Variants in ROGDI observed in about 807,000 individuals in gnomAD.
ROGDI encodes the protein protein rogdi homolog.
A neutral mutation model predicts 43.1 loss-of-function variants in ROGDI; 46 were observed. The ratio of observed to expected loss-of-function variants is 1.07; its 90% CI spans 0.84 to 1.37. The LOEUF (loss-of-function observed/expected upper bound fraction) is 1.37. ROGDI is among the 40% of genes most tolerant of loss of function. The pLI, the probability that ROGDI is intolerant of heterozygous loss-of-function variation, is 0.00. For synonymous variants in ROGDI, 243 were observed against 162.0 expected, an observed-to-expected ratio of 1.50 and a Z score of -3.80; for missense variants, 518 against 383.9, an observed-to-expected ratio of 1.35 and a Z score of -2.92.
intron 3 of ROGDI, 27 bp downstream of exon 3, chr16:4,801,476 C>T: frequency 6.3e-7 from 1 of 1,589,790 alleles, no homozygotes; most frequent in Non-Finnish European, 8.6e-7. Context: ...TACCCATTTC[C>T]CCGGTTTCCG....
intron 4 of ROGDI, 156 bp downstream of exon 4, chr16:4,801,111 G>A (rs887314858): frequency 6.8e-6 from 4 of 590,266 alleles, no homozygotes; most frequent in African/African-American, 5.6e-5. Context: ...CCCGGGAGAA[G>A]GTGTGAGGGT....
intron 4 of ROGDI, 40 bp from the exon 5 acceptor site, chr16:4,800,618 C>T (rs1412486610): frequency 2.7e-6 from 4 of 1,457,500 alleles, no homozygotes; most frequent in South Asian, 2.4e-5. Flanking sequence ...AGTGGGGGGG[C>T]ACCTCCTGCC....
chr16:4,801,471 A>C, intron 3 of ROGDI, 32 bp downstream of exon 3: 1 of 1,586,566 alleles, frequency 6.3e-7, no homozygotes. Flanking sequence ...CAAGGTACCC[A>C]TTTCCCCGGT....
rs1221411185 is a variant in ROGDI at position 4,802,447 on chromosome 16, C to A, written c.52G>T (p.Glu18Ter). 4.9e-6 allele frequency: 7 copies of A among 1,424,104 alleles called. No individual in the cohort carries two copies. The highest frequency in any genetic ancestry group is 1.5e-5 in the South Asian group (1 of 67,114). The allele number at this position is 1,424,104 out of a possible 1,614,324, so 88.2% of individuals were successfully genotyped here. ...TCGTCGTGCAGCAGCCAGCGGAACTCCTCCTCCTGCGGGACAGACCCGGCG... is the reference window on the plus strand; with the variant it reads ...TCGTCGTGCAGCAGCCAGCGGAACTACTCCTCCTGCGGGACAGACCCGGCG... ...TAAERAVLEEEFRWLLHDEVH... is the reference protein window; with the variant it reads ...TAAERAVLEE Residue 18 changes from glutamate (E) to a stop codon, truncating the protein, a stop_gained, in exon 2 of 11, where the codon GAG (glutamate) becomes TAG (stop). Coordinates refer to ENST00000322048, the MANE Select transcript of ROGDI (RefSeq NM_024589.3). LOFTEE classifies it high-confidence loss of function.
Position 4,802,543 on chromosome 16 carries a change from G to T in ROGDI, c.29C>A (p.Ala10Glu). 1 of 1,278,504 alleles carries T rather than the reference G, an allele frequency of 7.8e-7. No homozygotes were observed. The allele number at this position is 1,278,504 out of a possible 1,614,324, so 79.2% of individuals were successfully genotyped here. A position where few individuals can be genotyped will look rare whatever the true frequency, so the allele number is the denominator to read the frequency against. ...GCGCCTTACCAGCACCGCCCGCTCC[G>T]CCGCCGTCGCTGCCATCACGGTGGC... MATVMAATA[A>E]ERAVLEEEFR... The change falls in exon 1 of 11, where the codon GCG becomes GAG. Residue 10 changes from alanine (A) to glutamate (E), a missense_variant. Coordinates refer to ENST00000322048, the MANE Select transcript of ROGDI (RefSeq NM_024589.3).
chr16:4,801,631 C>T, intron 2 of ROGDI, 46 bp from the exon 3 acceptor site: 1 of 1,520,544 alleles, frequency 6.6e-7, no homozygotes, highest in Non-Finnish European at 8.9e-7. Flanking sequence ...CCCACTCAGG[C>T]CCGGCCCAGT....
In ROGDI at chr16:4,798,201, G is replaced by A. The variant is rs1192772817; in HGVS notation, c.532-17C>T. The A allele has an allele frequency of 2.5e-6, 4 of 1,604,030 alleles. No homozygotes were observed. The highest frequency in any genetic ancestry group is 3.4e-6 in the Non-Finnish European group (4 of 1,173,114). On this transcript the variant is annotated splice_polypyrimidine_tract_variant and intron_variant, in intron 7 of 10. Coordinates refer to ENST00000322048, the MANE Select transcript of ROGDI (RefSeq NM_024589.3). ...GAACATCCGCTGCGGGAGGCAGGTG[G>A]GATGAGGCCCTCGCAAGCCCCCAGC...
intron 4 of ROGDI, chr16:4,800,798 T>G: frequency 3.5e-6 from 2 of 571,642 alleles, no homozygotes; most frequent in South Asian, 2.1e-5. Context: ...AGAAGTGAAA[T>G]GGAAAGAGGT....
chr16:4,797,555 G>C (rs553022084), intron 10 of ROGDI, 54 bp from the exon 11 acceptor site: 5 of 1,180,264 alleles, frequency 4.2e-6, no homozygotes, highest in Admixed American at 6.1e-5. Context: ...GTAGCCCAGG[G>C]GAGATGTCAA....
At chr16:4,802,499 G>GGCCC in intron 1 of ROGDI, 28 bp downstream of exon 1, 1 of 1,210,946 alleles carries the variant, frequency 8.3e-7, no homozygotes. Context: ...CCGCCCCGCC[G>GGCCC]GCCCGCCCGC....
At chr16:4,799,804 G>A (rs543538357) in intron 5 of ROGDI, 23 bp from the exon 6 acceptor site, 2 of 1,570,078 alleles carry the variant, frequency 1.3e-6, no homozygotes, top group East Asian at 4.5e-5. Context: ...GTCATCCAGA[G>A]GGGTCACGCC....
At chr16:4,801,794 G>C in intron 2 of ROGDI, 1 of 602,894 alleles carries the variant, frequency 1.7e-6, no homozygotes, top group Non-Finnish European at 3.0e-6. Flanking sequence ...CACATTCCCT[G>C]AACACCTCCT....
At chr16:4,802,495 C>T (rs2141915804) in intron 1 of ROGDI, 32 bp downstream of exon 1, 1 of 1,210,710 alleles carries the variant, frequency 8.3e-7, no homozygotes, top group Non-Finnish European at 1.0e-6. Flanking sequence ...CCCGCCGCCC[C>T]GCCGGCCCGC....
At position 4,802,443 on chromosome 16, in the gene ROGDI, A is replaced by T. The variant is rs1270593464; in HGVS notation, c.56T>A (p.Phe19Tyr). 1 of 1,443,056 alleles carries T rather than the reference A, an allele frequency of 6.9e-7. No individual in the cohort carries two copies. Among genetic ancestry groups the T allele is most frequent in the East Asian group, 2.9e-5 (1 of 34,444 alleles). The allele number at this position is 1,443,056 out of a possible 1,614,324, so 89.4% of individuals were successfully genotyped here. Residue 19 changes from phenylalanine (F) to tyrosine (Y), a missense_variant, in exon 2 of 11, where the codon TTC (phenylalanine) becomes TAC (tyrosine). Physicochemically the swap from Phe to Tyr is conservative, Grantham distance 22 (BLOSUM62 3). Transcript: ENST00000322048. Reference protein sequence around the residue: ...AAERAVLEEEFRWLLHDEVHA... With the variant: ...AAERAVLEEEYRWLLHDEVHA... ...CACCTCGTCGTGCAGCAGCCAGCGG[A>T]ACTCCTCCTCCTGCGGGACAGACCC... is the stretch of plus-strand genomic sequence containing the variant.
intron 6 of ROGDI, 62 bp downstream of exon 6, chr16:4,799,624 G>A (rs1035847635): frequency 1.5e-6 from 2 of 1,290,654 alleles, no homozygotes; most frequent in African/African-American, 1.5e-5. Context: ...TTGGAACCCA[G>A]GTGTGATTCC....
chr16:4,798,148 C>G lies in ROGDI; in HGVS notation c.568G>C (p.Val190Leu). 1 of 1,614,026 alleles carries G rather than the reference C, an allele frequency of 6.2e-7. No homozygotes were observed. The highest frequency in any genetic ancestry group is 8.5e-7 in the Non-Finnish European group (1 of 1,179,956). ...TTGTTGAGGTTGATGTAGACGTTGACCAGCAGGTCGGACGGCAGGGCAGGG... is the reference window on the plus strand; with the variant it reads ...TTGTTGAGGTTGATGTAGACGTTGAGCAGCAGGTCGGACGGCAGGGCAGGG... ...FAPALPSDLL[V>L]NVYINLNKLC... Residue 190 changes from valine to leucine, a missense_variant, in exon 8 of 11, where the codon GTC becomes CTC. Coordinates refer to ENST00000322048, the MANE Select transcript of ROGDI (RefSeq NM_024589.3).
chr16:4,802,453 C>T lies in ROGDI; in HGVS notation c.46G>A (p.Glu16Lys). 7.3e-7 allele frequency: 1 copy of T among 1,373,126 alleles called. No individual in the cohort carries two copies. Among genetic ancestry groups the T allele is most frequent in the East Asian group, 3.0e-5 (1 of 32,922 alleles). The allele number at this position is 1,373,126 out of a possible 1,614,324, so 85.1% of individuals were successfully genotyped here. A position where few individuals can be genotyped will look rare whatever the true frequency, so the allele number is the denominator to read the frequency against. ...TGCAGCAGCCAGCGGAACTCCTCCT[C>T]CTGCGGGACAGACCCGGCGGTCGCG... ...AATAAERAVL[E>K]EEFRWLLHDE... Residue 16 changes from glutamate (E) to lysine (K), a missense_variant and splice_region_variant, in exon 2 of 11, where the codon GAG becomes AAG. Glu to Lys is a moderately conservative substitution (Grantham distance 56). Transcript: ENST00000322048.
Position 4,802,626 on chromosome 16 carries a change from A to G in ROGDI, c.-55T>C, listed in dbSNP as rs986483198. 26 of 1,272,374 alleles carry G rather than the reference A, an allele frequency of 2.0e-5. No homozygotes were observed. The highest frequency in any genetic ancestry group is 2.0e-4 in the South Asian group (8 of 39,842). 78.8% of individuals were successfully genotyped at this position (1,272,374 alleles called of 1,614,324 possible). On this transcript the variant is annotated 5_prime_UTR_variant, in exon 1 of 11. Transcript: ENST00000322048. ...CACCGGCCGCTGCTCCTGTCCACCAATCTTTCTGTCCTCGGTCCTCCGGTC... is the reference window on the plus strand; with the variant it reads ...CACCGGCCGCTGCTCCTGTCCACCAGTCTTTCTGTCCTCGGTCCTCCGGTC...
At position 4,801,614 on chromosome 16, in the gene ROGDI, G is replaced by C. The variant is rs201583517; in HGVS notation, c.118-29C>G. On this transcript the variant is annotated intron_variant, in intron 2 of 10. Transcript: ENST00000322048. ...TGGAACAGAGGGAAGGAGGGGAGCT[G>C]GTAGCGCCCACTCAGGCCCGGCCCA... 10 of 1,559,782 alleles carry C rather than the reference G, an allele frequency of 6.4e-6. 1 individual carries two copies. The South Asian group carries it at 9.3e-5, about 15-fold the overall frequency.
Sources: allele counts gnomAD v4.1 joint callset, GRCh38; gene constraint gnomAD v4.1.1; transcripts MANE v1.5; gene names NCBI Gene and HGNC (gene_info 2026-07-23, HGNC 2026-07-21).